The following AAK1 variants were observed in gnomAD, a reference collection of about 807,000 sequenced individuals.
AAK1 encodes AP2 associated kinase 1, also known as AP2-associated protein kinase 1.
AAK1 carries 37 observed loss-of-function variants against 116.0 expected under a neutral mutation model. That is an observed-to-expected ratio of 0.32 (90% CI 0.25 to 0.42). The LOEUF is 0.42. Ranked by LOEUF, AAK1 falls within the 10% of genes least tolerant of loss-of-function variation. The pLI is 1.00. For missense variants in AAK1, 919 were observed against 1,170.6 expected (o/e 0.79, Z 3.14); for synonymous variants, 458 against 439.9 (o/e 1.04, Z -0.51).
intron 5 of AAK1, among the ~76,000 whole-genome samples, chr2:69,532,550 T>C (rs988597727): frequency 6.6e-6 from 1 of 152,168 alleles, no homozygotes; most frequent in African/African-American, 2.4e-5. Context: ...TAGCCAACTA[T>C]CAAAATCTCA....
At chr2:69,642,250 G>A (rs772896780) in intron 2 of AAK1, among the ~76,000 whole-genome samples, 37 of 151,856 alleles carry the variant, frequency 2.4e-4, no homozygotes, top group Non-Finnish European at 3.7e-4. Flanking sequence ...AAGGAAGAGG[G>A]GCCTACTAGA....
At chr2:69,518,132 G>C (rs1329173847) in intron 12 of AAK1, among the ~76,000 whole-genome samples, 1 of 151,860 alleles carries the variant, frequency 6.6e-6, no homozygotes, top group Non-Finnish European at 1.5e-5. Flanking sequence ...CAAAAAAACA[G>C]ATATACTCAT....
chr2:69,472,013 TA>T lies in AAK1; in HGVS notation c.*3855del. On this transcript the variant is annotated 3_prime_UTR_variant, in exon 22 of 22. Transcript: ENST00000409085. ...CTAATTCAGGAAGAGCGAAGTCCAATATCAAATAACACTGAACAAAGTGACA... is the reference window on the plus strand; with the variant it reads ...CTAATTCAGGAAGAGCGAAGTCCAATTCAAATAACACTGAACAAAGTGACA... The T allele has an allele frequency of 1.0e-6, 1 of 985,384 alleles. No individual in the cohort carries two copies. Among genetic ancestry groups the T allele is most frequent in the African/African-American group, 1.7e-5 (1 of 57,350 alleles). The allele number at this position is 985,384 out of a possible 1,614,324, so 61.0% of individuals were successfully genotyped here. A position where few individuals can be genotyped will look rare whatever the true frequency, so the allele number is the denominator to read the frequency against.
In AAK1 at chr2:69,514,685, C is replaced by T. The variant is rs1185818128; in HGVS notation, c.1562G>A (p.Gly521Glu). Residue 521 changes from glycine to glutamate, a missense_variant, in exon 13 of 22, where the codon GGA becomes GAA. Physicochemically the swap from Gly to Glu is moderately conservative, Grantham distance 98. Around this residue, in one of 4 missense-constraint regions of AAK1, gnomAD observed 214 missense variants for 210.6 expected, o/e 1.02. Coordinates refer to ENST00000409085, the MANE Select transcript of AAK1 (RefSeq NM_014911.5). ...CTGCATTAGCTGCTGTTGAGAGCCT[C>T]CTTGGGACACCACAGGGAACTGAGC... Reference protein sequence around the residue: ...AIAQFPVVSQGGSQQQLMQNF... With the variant: ...AIAQFPVVSQEGSQQQLMQNF... The T allele has an allele frequency of 1.3e-5, 21 of 1,613,526 alleles. No individual in the cohort carries two copies. Among genetic ancestry groups the T allele is most frequent in the Non-Finnish European group, 1.8e-5 (21 of 1,179,710 alleles).
At chr2:69,504,649 C>T (rs2104956909) in intron 16 of AAK1, among the ~76,000 whole-genome samples, 1 of 152,128 alleles carries the variant, frequency 6.6e-6, no homozygotes, top group Admixed American at 6.5e-5. Context: ...TGCCTGTAAT[C>T]CTAGCTACTC....
At chr2:69,594,028 C>T (rs1472364241) in intron 2 of AAK1, among the ~76,000 whole-genome samples, 1 of 152,160 alleles carries the variant, frequency 6.6e-6, no homozygotes, top group African/African-American at 2.4e-5. Flanking sequence ...TATAAGAACT[C>T]ATTAATAAAA....
chr2:69,478,846 T>A (rs2104889126), intron 20 of AAK1, 105 bp downstream of exon 20: 1 of 900,846 alleles, frequency 1.1e-6, no homozygotes, highest in Non-Finnish European at 1.8e-6. Flanking sequence ...GAGGTAGTTT[T>A]AAAACTTCAC....
intron 2 of AAK1, among the ~76,000 whole-genome samples, chr2:69,610,598 T>C (rs1482847822): frequency 6.6e-6 from 1 of 152,242 alleles, no homozygotes; most frequent in African/African-American, 2.4e-5. Flanking sequence ...ACTGTATTTA[T>C]AAATCATACA....
chr2:69,574,034 A>G (rs1177680736), intron 2 of AAK1, among the ~76,000 whole-genome samples: 1 of 151,774 alleles, frequency 6.6e-6, no homozygotes, highest in African/African-American at 2.4e-5. Context: ...AAGACAAAAA[A>G]ACTATAAACA....
At position 69,470,635 on chromosome 2, in the gene AAK1, G is replaced by C; in HGVS notation, c.*5234C>G. 1 of 985,396 alleles carries C rather than the reference G, an allele frequency of 1.0e-6. No individual in the cohort carries two copies. The highest frequency in any genetic ancestry group is 1.2e-6 in the Non-Finnish European group (1 of 829,924). 61.0% of individuals were successfully genotyped at this position (985,396 alleles called of 1,614,324 possible). A position where few individuals can be genotyped will look rare whatever the true frequency, so the allele number is the denominator to read the frequency against. ...TGGGTATATTAGGGATTAAGTTAGAGGAGGGAAGCTGCAAACCTGCGCTCC... is the reference window on the plus strand; with the variant it reads ...TGGGTATATTAGGGATTAAGTTAGACGAGGGAAGCTGCAAACCTGCGCTCC... On this transcript the variant is annotated 3_prime_UTR_variant, in exon 22 of 22. Coordinates refer to ENST00000409085, the MANE Select transcript of AAK1 (RefSeq NM_014911.5).
At chr2:69,540,456 A>C (rs931784939) in intron 5 of AAK1, among the ~76,000 whole-genome samples, 5 of 152,308 alleles carry the variant, frequency 3.3e-5, no homozygotes, top group Non-Finnish European at 7.4e-5. Context: ...AAAAGGGCTG[A>C]CTGTGCGCAG....
At chr2:69,607,099 G>A (rs1270405525) in intron 2 of AAK1, among the ~76,000 whole-genome samples, 1 of 150,104 alleles carries the variant, frequency 6.7e-6, no homozygotes, top group Non-Finnish European at 1.5e-5. Flanking sequence ...ACGCTGTGGA[G>A]AAAAATAAAG....
At chr2:69,506,958 C>T (rs551461039) in intron 15 of AAK1, among the ~76,000 whole-genome samples, 1 of 151,840 alleles carries the variant, frequency 6.6e-6, no homozygotes, top group Non-Finnish European at 1.5e-5. Flanking sequence ...ATTTAATCAT[C>T]TTTCTGTGTA....
chr2:69,606,292 C>G (rs367805161), intron 2 of AAK1, among the ~76,000 whole-genome samples: 4 of 152,198 alleles, frequency 2.6e-5, no homozygotes, highest in Non-Finnish European at 5.9e-5. Flanking sequence ...CAATTGAACA[C>G]AAGGATGTGT....
chr2:69,601,338 A>C (rs1357374270), intron 2 of AAK1, among the ~76,000 whole-genome samples: 2 of 152,242 alleles, frequency 1.3e-5, no homozygotes, highest in Non-Finnish European at 2.9e-5. Flanking sequence ...AACTGGGCTC[A>C]GTAGAGAGTT....
intron 2 of AAK1, among the ~76,000 whole-genome samples, chr2:69,583,171 C>A (rs531575771): frequency 1.6e-4 from 25 of 152,338 alleles, no homozygotes; most frequent in Non-Finnish European, 2.6e-4. Context: ...AAGTGAGGGA[C>A]ATAAACATCT....
At chr2:69,507,642 A>G in intron 14 of AAK1, 64 bp from the exon 15 acceptor site, 1 of 1,392,198 alleles carries the variant, frequency 7.2e-7, no homozygotes, top group Non-Finnish European at 9.6e-7. Flanking sequence ...AAAAAGGGTC[A>G]ACTTATTTTC....
intron 16 of AAK1, among the ~76,000 whole-genome samples, chr2:69,499,102 C>A (rs1675869714): frequency 1.3e-5 from 2 of 152,310 alleles, no homozygotes; most frequent in South Asian, 4.1e-4. Flanking sequence ...GTGACTGGCA[C>A]ACTGAACTCT....
chr2:69,480,260 CAA>C (rs761196037), intron 19 of AAK1, among the ~76,000 whole-genome samples: 35 of 68,030 alleles, frequency 5.1e-4, no homozygotes, highest in African/African-American at 8.5e-4. Flanking sequence ...GAATTATGGA[CAA>C]AAAAAAAAAA....
Sources: allele counts gnomAD v4.1 joint callset (sites outside exome capture counted in the v4.1 genomes callset), GRCh38; gene constraint gnomAD v4.1.1; regional missense constraint gnomAD v4.1.1; transcripts MANE v1.5; gene names NCBI Gene and HGNC (gene_info 2026-07-23, HGNC 2026-07-21).